TENM4: variants seen among roughly 807,000 people sequenced by gnomAD.
TENM4 encodes the protein teneurin-4.
In TENM4, 82 loss-of-function variants were observed where a neutral mutation model predicts 243.3. The observed-to-expected ratio is 0.34, with a 90% CI of 0.28 to 0.40. TENM4 has a LOEUF of 0.40. Among genes scored for constraint, TENM4 ranks in the 10% least tolerant of loss-of-function variants. TENM4 has a pLI of 1.00. For missense variants in TENM4, 3,138 were observed against 3,673.3 expected (o/e 0.85, Z 3.77); for synonymous variants, 1,412 against 1,456.3 (o/e 0.97, Z 0.69).
At chr11:78,952,482 CA>C (rs1421965325) in intron 6 of TENM4, among the ~76,000 whole-genome samples, 1 of 152,154 alleles carries the variant, frequency 6.6e-6, no homozygotes, top group Non-Finnish European at 1.5e-5. Context: ...AAGGGAGAGA[CA>C]GGGGCAGGGA....
chr11:79,118,961 A>G (rs1325822633), intron 4 of TENM4, among the ~76,000 whole-genome samples: 1 of 151,962 alleles, frequency 6.6e-6, no homozygotes, highest in East Asian at 1.9e-4. Context: ...TTCATTTTTA[A>G]CTTTTTGAGG....
chr11:78,730,778 T>C (rs1022959251), intron 21 of TENM4, among the ~76,000 whole-genome samples: 4 of 152,184 alleles, frequency 2.6e-5, no homozygotes, highest in Non-Finnish European at 1.5e-5. Context: ...ATCCTGTCCA[T>C]TTCATAGACA....
intron 4 of TENM4, among the ~76,000 whole-genome samples, chr11:79,098,518 T>C (rs193088030): frequency 6.6e-6 from 1 of 152,134 alleles, no homozygotes. Context: ...CCAACCTCTC[T>C]CCTGAGGAGG....
intron 3 of TENM4, among the ~76,000 whole-genome samples, chr11:79,211,194 C>A (rs1326489515): frequency 6.6e-6 from 1 of 152,158 alleles, no homozygotes; most frequent in Non-Finnish European, 1.5e-5. Context: ...GCTAAACAGA[C>A]TAAGTTGGGA....
chr11:79,236,688 A>G (rs1490833017), intron 2 of TENM4, among the ~76,000 whole-genome samples: 6 of 151,314 alleles, frequency 4.0e-5, no homozygotes, highest in African/African-American at 1.2e-4. Context: ...ACCCACTTCA[A>G]CCTCCTTCCA....
chr11:79,349,270 C>G (rs1209202096), intron 1 of TENM4, among the ~76,000 whole-genome samples: 1 of 152,188 alleles, frequency 6.6e-6, no homozygotes, highest in Non-Finnish European at 1.5e-5. Flanking sequence ...CCTAGGAAGT[C>G]TCTTAAATTA....
At position 78,676,236 on chromosome 11, in the gene TENM4, G is replaced by A. The variant is rs893135364; in HGVS notation, c.5412C>T (p.Ile1804=). The change falls in exon 30 of 34, where the codon ATC becomes ATT. Residue 1804 remains isoleucine (I), a synonymous_variant. Coordinates refer to ENST00000278550, the MANE Select transcript of TENM4 (RefSeq NM_001098816.3). ...TVGKRNVTLP[I]DNGLNLVEWR... ...ACTCCACCAGGTTGAGGCCGTTGTC[G>A]ATGGGCAGCGTGACATTCCTCTTGC... 15 of 1,607,840 alleles carry A rather than the reference G, an allele frequency of 9.3e-6. No individual in the cohort carries two copies. Among genetic ancestry groups the A allele is most frequent in the Middle Eastern group, 1.6e-4 (1 of 6,074 alleles).
At chr11:78,904,482 G>T (rs1856019269) in intron 6 of TENM4, among the ~76,000 whole-genome samples, 1 of 152,042 alleles carries the variant, frequency 6.6e-6, no homozygotes, top group Non-Finnish European at 1.5e-5. Context: ...TTTAGATAGG[G>T]TGGCCACGTA....
chr11:79,011,810 G>C (rs1203856065), intron 6 of TENM4, among the ~76,000 whole-genome samples: 2 of 152,230 alleles, frequency 1.3e-5, no homozygotes, highest in African/African-American at 4.8e-5. Flanking sequence ...AAAGAAGAGT[G>C]TGAAATTTCC....
At chr11:78,922,764 T>A (rs984994928) in intron 6 of TENM4, among the ~76,000 whole-genome samples, 3 of 152,118 alleles carry the variant, frequency 2.0e-5, no homozygotes, top group Admixed American at 2.0e-4. Flanking sequence ...ACAAAAATGT[T>A]CCTCAAGTAC....
intron 15 of TENM4, among the ~76,000 whole-genome samples, chr11:78,797,666 C>T (rs1857187730): frequency 1.3e-5 from 2 of 152,194 alleles, no homozygotes; most frequent in South Asian, 4.1e-4. Context: ...CTCATTGTGT[C>T]TAAACCGCCA....
At chr11:79,307,136 TAA>T (rs1287864461) in intron 1 of TENM4, among the ~76,000 whole-genome samples, 2 of 152,114 alleles carry the variant, frequency 1.3e-5, no homozygotes, top group Non-Finnish European at 2.9e-5. Context: ...AACAACCCTA[TAA>T]AGTCGGTTTT....
chr11:79,356,304 C>G (rs781431468), intron 1 of TENM4, among the ~76,000 whole-genome samples: 120 of 152,220 alleles, frequency 7.9e-4, no homozygotes, highest in Non-Finnish European at 2.2e-4. Context: ...TGACAACCTT[C>G]TCCTCCCTCA....
chr11:78,664,100 C>G (rs1174501786), intron 32 of TENM4, among the ~76,000 whole-genome samples: 2 of 152,196 alleles, frequency 1.3e-5, no homozygotes, highest in African/African-American at 2.4e-5. Flanking sequence ...TGAACTCCGA[C>G]AGTTTACTTA....
intron 23 of TENM4, 35 bp downstream of exon 23, chr11:78,726,044 C>T (rs367838795): frequency 6.5e-5 from 105 of 1,611,786 alleles, no homozygotes; most frequent in Middle Eastern, 3.3e-4. Context: ...GGTTCCACCC[C>T]AGCCTGGTTC....
chr11:79,426,036 C>A (rs1415694224), intron 1 of TENM4, among the ~76,000 whole-genome samples: 1 of 152,174 alleles, frequency 6.6e-6, no homozygotes, highest in Non-Finnish European at 1.5e-5. Context: ...ATCACCCACA[C>A]TCTGGTCTAG....
intron 18 of TENM4, among the ~76,000 whole-genome samples, chr11:78,770,122 A>C (rs563365262): frequency 1.3e-5 from 2 of 152,224 alleles, no homozygotes; most frequent in Admixed American, 6.5e-5. Flanking sequence ...ATGTTTTTTC[A>C]TATCTTTATC....
chr11:79,107,650 G>T (rs568508710), intron 4 of TENM4, among the ~76,000 whole-genome samples: 17 of 152,146 alleles, frequency 1.1e-4, no homozygotes, highest in African/African-American at 4.1e-4. Flanking sequence ...CCTTCCCAGT[G>T]GTCTCAGATC....
intron 1 of TENM4, among the ~76,000 whole-genome samples, chr11:79,298,377 C>T (rs1038424008): frequency 6.0e-5 from 9 of 150,948 alleles, no homozygotes; most frequent in Non-Finnish European, 7.4e-5. Flanking sequence ...TAGCCGGGCG[C>T]GGTGGCGGGC....
Sources: gnomAD v4.1 joint callset for allele counts (sites outside exome capture counted in the v4.1 genomes callset) on GRCh38, gnomAD v4.1.1 for gene constraint, MANE v1.5 for transcripts, NCBI Gene and HGNC (gene_info 2026-07-23, HGNC 2026-07-21) for gene names.